Variants in HTT observed in about 807,000 individuals in gnomAD.
HTT encodes the protein huntington disease protein.
A neutral mutation model predicts 362.3 loss-of-function variants in HTT; 104 were observed. The ratio of observed to expected loss-of-function variants is 0.29; its 90% CI spans 0.24 to 0.34. The LOEUF is 0.34. HTT is among the 10% of genes least tolerant of loss of function. The pLI is 1.00. For synonymous variants in HTT, 1,577 were observed against 1,548.7 expected (o/e 1.02, Z -0.43); for missense variants, 3,301 against 3,928.6 (o/e 0.84, Z 4.27).
rs1717098177 is a variant in HTT at position 3,155,553 on chromosome 4, G to A, written c.3625+1134G>A. Among the ~76,000 whole-genome samples, 3 of 150,602 alleles carry A rather than the reference G, an allele frequency of 2.0e-5. No individual in the cohort carries two copies. In the South Asian group the frequency reaches 6.4e-4, roughly 32 times the overall value. On this transcript the variant is annotated intron_variant, in intron 27 of 66. Coordinates refer to ENST00000355072, the MANE Select transcript of HTT (RefSeq NM_001388492.1). ...TTATTTATTTTTAATTGACAAAATT[G>A]TATATATCTGTAATATACAACATGA... is the stretch of plus-strand genomic sequence containing the variant.
chr4:3,111,465 A>G (rs1253887315), intron 6 of HTT, among the ~76,000 whole-genome samples: 2 of 152,164 alleles, frequency 1.3e-5, no homozygotes, highest in African/African-American at 4.8e-5. Context: ...AAGTGCCGGG[A>G]TTACAGGCGT....
chr4:3,183,964 C>T (rs1364177917), intron 37 of HTT, among the ~76,000 whole-genome samples: 1 of 152,126 alleles, frequency 6.6e-6, no homozygotes, highest in Non-Finnish European at 1.5e-5. Flanking sequence ...TAAAGAAAGA[C>T]CCCCTGCCTT....
At chr4:3,093,440 C>G (rs769636881) in intron 2 of HTT, among the ~76,000 whole-genome samples, 1 of 152,148 alleles carries the variant, frequency 6.6e-6, no homozygotes, top group Non-Finnish European at 1.5e-5. Flanking sequence ...AATTGTATGA[C>G]AATAGCATAA....
intron 6 of HTT, among the ~76,000 whole-genome samples, chr4:3,110,411 C>G (rs190212302): frequency 6.6e-6 from 1 of 152,164 alleles, no homozygotes; most frequent in African/African-American, 2.4e-5. Flanking sequence ...CTGCCCCAGT[C>G]TGGGCAGGTT....
Position 3,116,087 on chromosome 4 carries a change from T to G in HTT, c.892T>G (p.Leu298Val), listed in dbSNP as rs778497037. The change falls in exon 8 of 67, where the codon TTA becomes GTA. Residue 298 changes from leucine (L) to valine (V), a missense_variant and splice_region_variant. Coordinates refer to ENST00000355072, the MANE Select transcript of HTT (RefSeq NM_001388492.1). The stretch of plus-strand genomic sequence containing the variant: ...ATGTCTTGCTTCCACCCCCACAGGC[T>G]TACTCGTTCCTGTCGAGGATGAACA... ...YSWLLNVLLG[L>V]LVPVEDEHST... 1 of 1,607,058 alleles carries G rather than the reference T, an allele frequency of 6.2e-7. No individual in the cohort carries two copies. Among genetic ancestry groups the G allele is most frequent in the Admixed American group, 1.7e-5 (1 of 59,922 alleles).
intron 35 of HTT, among the ~76,000 whole-genome samples, chr4:3,179,556 T>C (rs1162588304): frequency 1.3e-5 from 2 of 152,002 alleles, no homozygotes; most frequent in African/African-American, 4.8e-5. Context: ...GGTTGCATTG[T>C]GCCCTTCACT....
chr4:3,201,664 T>C (rs1170820838), intron 41 of HTT, among the ~76,000 whole-genome samples: 1 of 151,988 alleles, frequency 6.6e-6, no homozygotes, highest in East Asian at 1.9e-4. Context: ...TGTGAGTGTC[T>C]AAGGTGTCCC....
chr4:3,132,996 A>G, intron 18 of HTT, 85 bp downstream of exon 18: 1 of 1,012,802 alleles, frequency 9.9e-7, no homozygotes, highest in Admixed American at 1.7e-5. Context: ...TTAATAGGAA[A>G]TATTTCCATG....
chr4:3,094,688 C>T (rs1247138104), intron 2 of HTT, among the ~76,000 whole-genome samples: 2 of 121,778 alleles, frequency 1.6e-5, no homozygotes, highest in East Asian at 2.1e-4. Flanking sequence ...ACCTCCCGGA[C>T]GGGGCGGCTG....
chr4:3,135,230 T>G (rs925859024), intron 19 of HTT, among the ~76,000 whole-genome samples: 3 of 152,050 alleles, frequency 2.0e-5, no homozygotes, highest in Non-Finnish European at 4.4e-5. Flanking sequence ...TGGTTTATAT[T>G]TTGTTGCAAT....
At chr4:3,195,504 C>A (rs1393238241) in intron 40 of HTT, among the ~76,000 whole-genome samples, 1 of 152,058 alleles carries the variant, frequency 6.6e-6, no homozygotes, top group East Asian at 1.9e-4. Context: ...CCCTGTGCCA[C>A]CCTTGTGATC....
intron 40 of HTT, among the ~76,000 whole-genome samples, chr4:3,196,387 G>A (rs1056591306): frequency 2.6e-5 from 4 of 152,046 alleles, no homozygotes; most frequent in East Asian, 1.9e-4. Context: ...GCTTCCTGAC[G>A]CCACATCCTT....
intron 40 of HTT, among the ~76,000 whole-genome samples, chr4:3,190,247 T>C (rs2110251300): frequency 6.6e-6 from 1 of 151,420 alleles, no homozygotes; most frequent in African/African-American, 2.4e-5. Context: ...CTTGGGAGGC[T>C]GAGGTGGGAG....
At chr4:3,138,092 C>T (rs1560564706) in intron 21 of HTT, among the ~76,000 whole-genome samples, 1 of 150,116 alleles carries the variant, frequency 6.7e-6, no homozygotes, top group Non-Finnish European at 1.5e-5. Flanking sequence ...TTCCTTCCTT[C>T]CTTCCTTCTT....
At chr4:3,112,819 C>T (rs1714832807) in intron 6 of HTT, among the ~76,000 whole-genome samples, 1 of 152,092 alleles carries the variant, frequency 6.6e-6, no homozygotes, top group African/African-American at 2.4e-5. Context: ...GTAGAAACTG[C>T]CAAATAGCTT....
chr4:3,214,230 C>T, intron 50 of HTT, 95 bp downstream of exon 50: 1 of 1,000,646 alleles, frequency 1.0e-6, no homozygotes, highest in Non-Finnish European at 1.3e-6. Flanking sequence ...AGGTACTAAG[C>T]TAGGAATTGG....
intron 6 of HTT, among the ~76,000 whole-genome samples, chr4:3,109,633 T>C (rs1004439833): frequency 1.3e-5 from 2 of 152,252 alleles, no homozygotes; most frequent in Admixed American, 6.5e-5. Context: ...TACGTTATTA[T>C]GCCTAAGTAA....
intron 55 of HTT, 148 bp downstream of exon 55, chr4:3,223,708 C>T (rs565663626): frequency 3.7e-6 from 3 of 803,602 alleles, no homozygotes; most frequent in South Asian, 1.8e-5. Context: ...GCAGGAGATG[C>T]AGACCCAAAG....
chr4:3,094,716 C>T (rs946704103), intron 2 of HTT, among the ~76,000 whole-genome samples: 8 of 134,858 alleles, frequency 5.9e-5, no homozygotes, highest in African/African-American at 1.6e-4. Context: ...GGGGGCTGCC[C>T]CCCACCTCCC....
Sources: gnomAD v4.1 joint callset for allele counts (sites outside exome capture counted in the v4.1 genomes callset) on GRCh38, gnomAD v4.1.1 for gene constraint, MANE v1.5 for transcripts, NCBI Gene and HGNC (gene_info 2026-07-23, HGNC 2026-07-21) for gene names.